The following FHIT variants were observed in gnomAD, a reference collection of about 807,000 sequenced individuals.
FHIT encodes fragile histidine triad diadenosine triphosphatase.
In FHIT, 19 loss-of-function variants were observed where a neutral mutation model predicts 17.9. The ratio of observed to expected loss-of-function variants is 1.06; its 90% CI spans 0.74 to 1.56. The LOEUF (loss-of-function observed/expected upper bound fraction) is 1.56, where lower values mean the gene tolerates loss of function less well. Among genes scored for constraint, FHIT ranks in the 40% most tolerant of loss-of-function variants. FHIT has a pLI of 0.00. For synonymous variants in FHIT, 81 were observed against 69.7 expected, an observed-to-expected ratio of 1.16 and a Z score of -0.81; for missense variants, 248 against 189.2, an observed-to-expected ratio of 1.31 and a Z score of -1.82.
rs1491100730 is a variant in FHIT at position 60,842,646 on chromosome 3, T to TATATATA, written c.-110-20636_-110-20635insTATATAT. 1.5e-3 allele frequency among the ~76,000 whole-genome samples: 122 copies of TATATATA among 80,250 alleles called. 1 individual carries two copies. Among genetic ancestry groups the TATATATA allele is most frequent in the African/African-American group, 4.6e-3 (91 of 19,660 alleles). The allele number at this position is 80,250 out of a possible 152,430, so 52.6% of individuals were successfully genotyped here. A position where few individuals can be genotyped will look rare whatever the true frequency, so the allele number is the denominator to read the frequency against. On this transcript the variant is annotated intron_variant, in intron 3 of 9. Coordinates refer to ENST00000492590, the MANE Select transcript of FHIT (RefSeq NM_002012.4). ...ATATGAGTGTATATATATATATATATTTTTTTTTTTTTTTTTTTCCCTTGC... is the reference window on the plus strand; with the variant it reads ...ATATGAGTGTATATATATATATATATATATATATTTTTTTTTTTTTTTTTTCCCTTGC...
At chr3:60,319,241 G>C (rs990689933) in intron 5 of FHIT, among the ~76,000 whole-genome samples, 2 of 152,008 alleles carry the variant, frequency 1.3e-5, no homozygotes, top group Non-Finnish European at 2.9e-5. Context: ...CTTAATACTA[G>C]TTCATTCTTT....
chr3:59,872,039 T>G (rs1702949410), intron 8 of FHIT, among the ~76,000 whole-genome samples: 1 of 152,190 alleles, frequency 6.6e-6, no homozygotes, highest in South Asian at 2.1e-4. Context: ...CTCTCCAGAT[T>G]ATACTAATCA....
chr3:59,953,417 T>TA (rs1707224376), intron 7 of FHIT, among the ~76,000 whole-genome samples: 1 of 152,252 alleles, frequency 6.6e-6, no homozygotes, highest in East Asian at 1.9e-4. Flanking sequence ...GCAAAACACT[T>TA]AGAGTTGACC....
At chr3:60,291,249 G>C (rs1265215697) in intron 5 of FHIT, among the ~76,000 whole-genome samples, 3 of 152,070 alleles carry the variant, frequency 2.0e-5, no homozygotes, top group Non-Finnish European at 4.4e-5. Context: ...CTGGTGAGGA[G>C]GCAGAGTCTG....
chr3:61,152,844 A>C (rs1462952081), intron 2 of FHIT, among the ~76,000 whole-genome samples: 1 of 152,146 alleles, frequency 6.6e-6, no homozygotes, highest in African/African-American at 2.4e-5. Flanking sequence ...CAAATGTTTA[A>C]TTCAAAGACA....
chr3:60,324,566 T>G (rs1709591089), intron 5 of FHIT, among the ~76,000 whole-genome samples: 1 of 78,014 alleles, frequency 1.3e-5, no homozygotes, highest in Non-Finnish European at 2.4e-5. Flanking sequence ...AGAGCGAGAC[T>G]CCATCAGAAA....
At chr3:61,031,531 A>G (rs1234539619) in intron 3 of FHIT, among the ~76,000 whole-genome samples, 2 of 152,182 alleles carry the variant, frequency 1.3e-5, no homozygotes, top group East Asian at 3.9e-4. Context: ...ACCCCAACTC[A>G]TGTAAATTGA....
At chr3:60,139,928 C>T (rs1699968607) in intron 5 of FHIT, among the ~76,000 whole-genome samples, 1 of 152,038 alleles carries the variant, frequency 6.6e-6, no homozygotes, top group South Asian at 2.1e-4. Context: ...TCACGACCAG[C>T]CTGGCCAAGA....
At chr3:60,972,039 T>G (rs773093808) in intron 3 of FHIT, among the ~76,000 whole-genome samples, 13 of 152,214 alleles carry the variant, frequency 8.5e-5, no homozygotes, top group Non-Finnish European at 1.8e-4. Flanking sequence ...ATTTGATGAA[T>G]TTGCATCTGC....
chr3:59,917,409 A>G (rs1290514413), intron 8 of FHIT, among the ~76,000 whole-genome samples: 1 of 152,208 alleles, frequency 6.6e-6, no homozygotes, highest in East Asian at 1.9e-4. Context: ...AGCTAGGGTA[A>G]GTCTTACTGA....
At chr3:61,242,361 G>T (rs574043568) in intron 1 of FHIT, among the ~76,000 whole-genome samples, 5 of 152,004 alleles carry the variant, frequency 3.3e-5, no homozygotes, top group Middle Eastern at 3.5e-3. Context: ...TTGTAAAGGT[G>T]ACATATTTTC....
At chr3:60,848,262 A>G (rs986968656) in intron 3 of FHIT, among the ~76,000 whole-genome samples, 2 of 152,176 alleles carry the variant, frequency 1.3e-5, no homozygotes, top group African/African-American at 4.8e-5. Context: ...CTGGGCCTTA[A>G]GCACAGTTCT....
chr3:60,816,349 C>A (rs1173877369), intron 4 of FHIT, among the ~76,000 whole-genome samples: 2 of 151,890 alleles, frequency 1.3e-5, no homozygotes, highest in African/African-American at 4.8e-5. Flanking sequence ...CAGTTTTTGC[C>A]CATTCAGTAT....
chr3:60,357,933 T>A (rs1160169092), intron 5 of FHIT, among the ~76,000 whole-genome samples: 1 of 152,128 alleles, frequency 6.6e-6, no homozygotes, highest in Non-Finnish European at 1.5e-5. Flanking sequence ...GATAAAAGAC[T>A]CTCATAATTG....
chr3:60,875,923 A>G (rs533723794), intron 3 of FHIT, among the ~76,000 whole-genome samples: 3,509 of 136,904 alleles, frequency 0.026, 69 homozygotes, highest in Non-Finnish European at 0.037. Context: ...AAACTTATTC[A>G]TGTGTGTGTG....
intron 7 of FHIT, among the ~76,000 whole-genome samples, chr3:59,979,231 G>C (rs1708544457): frequency 6.6e-6 from 1 of 152,132 alleles, no homozygotes; most frequent in Non-Finnish European, 1.5e-5. Context: ...CCTTGGTCTT[G>C]TGGTCCTCAA....
At chr3:60,890,532 T>G (rs1705462331) in intron 3 of FHIT, among the ~76,000 whole-genome samples, 1 of 152,208 alleles carries the variant, frequency 6.6e-6, no homozygotes, top group Non-Finnish European at 1.5e-5. Flanking sequence ...AATCAATAAC[T>G]GAAACAATAA....
chr3:60,681,164 C>T (rs984633840), intron 4 of FHIT, among the ~76,000 whole-genome samples: 7 of 152,160 alleles, frequency 4.6e-5, no homozygotes, highest in African/African-American at 1.7e-4. Context: ...TCCAACAGCA[C>T]GTGTTCATTT....
intron 4 of FHIT, among the ~76,000 whole-genome samples, chr3:60,774,425 C>T (rs1575507794): frequency 6.6e-6 from 1 of 152,060 alleles, no homozygotes; most frequent in African/African-American, 2.4e-5. Flanking sequence ...CTCAGCCTCC[C>T]GAGTAGTTGG....
Sources: allele counts gnomAD v4.1 joint callset (sites outside exome capture counted in the v4.1 genomes callset), GRCh38; gene constraint gnomAD v4.1.1; transcripts MANE v1.5; gene names NCBI Gene and HGNC (gene_info 2026-07-23, HGNC 2026-07-21).